The following SPAG16 variants were observed in gnomAD, a reference collection of about 807,000 sequenced individuals.
SPAG16 encodes sperm associated antigen 16.
SPAG16 carries 86 observed loss-of-function variants against 80.4 expected under a neutral mutation model. The ratio of observed to expected loss-of-function variants is 1.07; its 90% confidence interval spans 0.90 to 1.28. The LOEUF is 1.28. Ranked by LOEUF, SPAG16 falls within the 50% of genes most tolerant of loss-of-function variation. SPAG16 has a pLI of 0.00. For synonymous variants in SPAG16, 294 were observed against 265.9 expected, an observed-to-expected ratio of 1.11 and a Z score of -1.03; for missense variants, 870 against 765.3, an observed-to-expected ratio of 1.14 and a Z score of -1.61.
chr2:214,065,081 T>C (rs1309613319), intron 13 of SPAG16, among the ~76,000 whole-genome samples: 1 of 152,034 alleles, frequency 6.6e-6, no homozygotes, highest in Non-Finnish European at 1.5e-5. Flanking sequence ...TTGATATAAA[T>C]ATTATCTCAG....
intron 11 of SPAG16, among the ~76,000 whole-genome samples, chr2:213,899,237 G>T (rs1211335755): frequency 6.6e-6 from 1 of 152,050 alleles, no homozygotes; most frequent in Non-Finnish European, 1.5e-5. Flanking sequence ...GATGAACGGA[G>T]TGTCTTTGTA....
At position 213,539,999 on chromosome 2, in the gene SPAG16, A is replaced by G. The variant is rs186595604; in HGVS notation, c.1070+49909A>G. ...GGAAGTGAAATAAATCGAGTTTCTT[A>G]TTAGCACAATGATACCATTATATTT... On this transcript the variant is annotated intron_variant, in intron 10 of 15. Transcript: ENST00000331683. Among the ~76,000 whole-genome samples the G allele has an allele frequency of 1.5e-3, 211 of 143,604 alleles. No homozygotes were observed. The Middle Eastern group carries it at 0.015, about 10-fold the overall frequency. The allele number at this position is 143,604 out of a possible 152,430, so 94.2% of individuals were successfully genotyped here.
chr2:213,599,596 T>C (rs1428357328), intron 10 of SPAG16, among the ~76,000 whole-genome samples: 2 of 152,228 alleles, frequency 1.3e-5, no homozygotes, highest in Non-Finnish European at 1.5e-5. Flanking sequence ...ATACAGTATA[T>C]AATACACGTA....
intron 11 of SPAG16, among the ~76,000 whole-genome samples, chr2:213,866,480 A>T (rs2075688118): frequency 6.6e-6 from 1 of 152,134 alleles, no homozygotes; most frequent in Non-Finnish European, 1.5e-5. Context: ...ATTGGAAGTT[A>T]CTTTAAAAAG....
intron 15 of SPAG16, among the ~76,000 whole-genome samples, chr2:214,305,854 G>A (rs897057469): frequency 6.6e-5 from 10 of 151,330 alleles, no homozygotes; most frequent in Admixed American, 2.6e-4. Context: ...TGTCAATTTG[G>A]GCTCTTTTTT....
intron 11 of SPAG16, among the ~76,000 whole-genome samples, chr2:213,882,529 C>T (rs2076384003): frequency 6.6e-6 from 1 of 152,032 alleles, no homozygotes; most frequent in Admixed American, 6.5e-5. Flanking sequence ...CTGGTTCAAT[C>T]TTGGGAGATT....
intron 10 of SPAG16, among the ~76,000 whole-genome samples, chr2:213,541,346 C>T (rs758612438): frequency 5.3e-5 from 8 of 152,100 alleles, no homozygotes; most frequent in South Asian, 2.1e-4. Context: ...GGGCCATGCA[C>T]GGTGGCTCAC....
Position 213,421,906 on chromosome 2 carries a change from T to C in SPAG16, c.942+46787T>C, listed in dbSNP as rs945012263. Among the ~76,000 whole-genome samples, 16 of 152,218 alleles carry C rather than the reference T, an allele frequency of 1.1e-4. No homozygotes were observed. The East Asian group carries it at 2.7e-3, about 26-fold the overall frequency. On this transcript the variant is annotated intron_variant, in intron 9 of 15. Transcript: ENST00000331683. ...CTCTCTGTGGAGGGCTGGAAACGCA[T>C]TGGGCTGACGTGCCTGCAGAAATGA...
chr2:214,374,148 A>T (rs551883080), intron 15 of SPAG16, among the ~76,000 whole-genome samples: 1 of 152,338 alleles, frequency 6.6e-6, no homozygotes, highest in South Asian at 2.1e-4. Flanking sequence ...TAGGATAAAG[A>T]GATTGGATTT....
intron 10 of SPAG16, among the ~76,000 whole-genome samples, chr2:213,564,388 G>A (rs1023118058): frequency 6.6e-6 from 1 of 151,604 alleles, no homozygotes; most frequent in South Asian, 2.1e-4. Context: ...CCAGCTACTC[G>A]AGAGGCTGAG....
intron 11 of SPAG16, among the ~76,000 whole-genome samples, chr2:213,921,219 C>T (rs2078208547): frequency 1.3e-5 from 2 of 152,330 alleles, no homozygotes; most frequent in Non-Finnish European, 2.9e-5. Flanking sequence ...CCATCTTCTA[C>T]TTAATCAGGT....
intron 13 of SPAG16, among the ~76,000 whole-genome samples, chr2:214,103,825 G>A (rs2053222455): frequency 6.6e-6 from 1 of 152,036 alleles, no homozygotes; most frequent in Non-Finnish European, 1.5e-5. Context: ...AGAACCGGGT[G>A]TACCTTGTGG....
intron 9 of SPAG16, among the ~76,000 whole-genome samples, chr2:213,476,673 G>A (rs1351310066): frequency 6.6e-6 from 1 of 152,210 alleles, no homozygotes; most frequent in African/African-American, 2.4e-5. Flanking sequence ...GCATAGTTTG[G>A]TGAGTGGGAA....
chr2:214,133,487 C>A (rs1237324995), intron 14 of SPAG16, among the ~76,000 whole-genome samples: 1 of 151,884 alleles, frequency 6.6e-6, no homozygotes, highest in African/African-American at 2.4e-5. Context: ...GACGAAAATT[C>A]TCTACTAAAA....
chr2:213,593,604 C>A (rs529958059), intron 10 of SPAG16, among the ~76,000 whole-genome samples: 1 of 151,838 alleles, frequency 6.6e-6, no homozygotes, highest in South Asian at 2.1e-4. Context: ...ATCTGGTTTG[C>A]CAGTTTGATT....
chr2:213,792,926 T>A (rs928516394), intron 10 of SPAG16, among the ~76,000 whole-genome samples: 1 of 151,724 alleles, frequency 6.6e-6, no homozygotes, highest in East Asian at 2.0e-4. Context: ...TTTCCTTCTT[T>A]AGTATTTTCT....
intron 9 of SPAG16, among the ~76,000 whole-genome samples, chr2:213,470,709 T>C (rs534857433): frequency 6.6e-6 from 1 of 152,294 alleles, no homozygotes; most frequent in South Asian, 2.1e-4. Flanking sequence ...CATGGGCCCA[T>C]TGGGCCATGA....
At chr2:213,984,774 A>G (rs1385831264) in intron 12 of SPAG16, among the ~76,000 whole-genome samples, 5 of 152,042 alleles carry the variant, frequency 3.3e-5, no homozygotes, top group Non-Finnish European at 7.4e-5. Flanking sequence ...ATATGCCATC[A>G]CTGTCCCCAT....
At chr2:213,592,230 T>C (rs1189536950) in intron 10 of SPAG16, among the ~76,000 whole-genome samples, 3 of 152,176 alleles carry the variant, frequency 2.0e-5, no homozygotes, top group Admixed American at 6.5e-5. Flanking sequence ...ATTATAAAAA[T>C]TTAAAAACAA....
Sources: allele counts gnomAD v4.1 joint callset (sites outside exome capture counted in the v4.1 genomes callset), GRCh38; gene constraint gnomAD v4.1.1; transcripts MANE v1.5; gene names NCBI Gene and HGNC (gene_info 2026-07-23, HGNC 2026-07-21).